The following NR3C1 variants were observed in gnomAD, a reference collection of about 807,000 sequenced individuals.
NR3C1 encodes the protein glucocorticoid receptor.
Under a neutral mutation model 74.0 loss-of-function variants are expected in NR3C1, and 14 were observed. The observed-to-expected ratio is 0.19, with a 90% confidence interval of 0.12 to 0.30. The LOEUF is 0.30. Among genes scored for constraint, NR3C1 ranks in the 10% least tolerant of loss-of-function variants. The probability of loss-of-function intolerance (pLI) is 1.00; values close to 1 mark genes in which losing one functional copy is unlikely to be tolerated. For missense variants in NR3C1, 695 were observed against 909.8 expected (o/e 0.76, Z 3.04); for synonymous variants, 308 against 332.5 (o/e 0.93, Z 0.80).
chr5:143,396,603 C>T (rs1428333886), intron 2 of NR3C1, among the ~76,000 whole-genome samples: 1 of 151,776 alleles, frequency 6.6e-6, no homozygotes, highest in Non-Finnish European at 1.5e-5. Flanking sequence ...AATTTCATTA[C>T]TTTTATAAAA....
At chr5:143,413,018 A>G (rs1841348218) in intron 1 of NR3C1, among the ~76,000 whole-genome samples, 1 of 152,210 alleles carries the variant, frequency 6.6e-6, no homozygotes, top group Non-Finnish European at 1.5e-5. Flanking sequence ...AATTCCTTCA[A>G]CAAAATACAA....
chr5:143,377,221 G>C (rs1363767090), intron 2 of NR3C1, among the ~76,000 whole-genome samples: 1 of 152,168 alleles, frequency 6.6e-6, no homozygotes, highest in Non-Finnish European at 1.5e-5. Flanking sequence ...AGCAGGTTTA[G>C]GAGGGCACTG....
At chr5:143,328,719 C>G (rs1825213387) in intron 2 of NR3C1, among the ~76,000 whole-genome samples, 2 of 152,210 alleles carry the variant, frequency 1.3e-5, no homozygotes, top group South Asian at 4.1e-4. Context: ...CCTAAATCAT[C>G]TCAAAGTTCA....
chr5:143,358,468 GGAGA>G (rs1453496812), intron 2 of NR3C1, among the ~76,000 whole-genome samples: 2 of 152,074 alleles, frequency 1.3e-5, no homozygotes, highest in Non-Finnish European at 2.9e-5. Flanking sequence ...AAATATTTGT[GGAGA>G]GAATTATATT....
In NR3C1 at chr5:143,281,616, C is replaced by T. The variant is rs61753500; in HGVS notation, c.*273G>A. ...CATCCTTCTTTGACTGTGGAGATTA[C>T]GTCCACATATTAAGGTTTCTAATTT... On this transcript the variant is annotated 3_prime_UTR_variant, in exon 9 of 9. Coordinates refer to ENST00000394464, the MANE Select transcript of NR3C1 (RefSeq NM_000176.3). The T allele has an allele frequency of 3.4e-5, 13 of 378,472 alleles. No individual in the cohort carries two copies. The highest frequency in any genetic ancestry group is 1.9e-4 in the African/African-American group (9 of 48,286). 23.4% of individuals were successfully genotyped at this position (378,472 alleles called of 1,614,324 possible).
chr5:143,294,932 G>T (rs1408203659), intron 7 of NR3C1: 1 of 985,178 alleles, frequency 1.0e-6, no homozygotes, highest in African/African-American at 1.7e-5. Flanking sequence ...TCTCACAGAA[G>T]TTCGTTTTAT....
At position 143,300,385 on chromosome 5, in the gene NR3C1, A is replaced by G; in HGVS notation, c.1747+100T>C. 6.9e-7 allele frequency: 1 copy of G among 1,440,706 alleles called. No homozygotes were observed. The highest frequency in any genetic ancestry group is 9.7e-7 in the Non-Finnish European group (1 of 1,028,022). 89.2% of individuals were successfully genotyped at this position (1,440,706 alleles called of 1,614,324 possible). A position where few individuals can be genotyped will look rare whatever the true frequency, so the allele number is the denominator to read the frequency against. ...CATAGTCCCCAGAACTAAGAGAAAC[A>G]AGATAAGCCATGGGCTCACGATGAT... On this transcript the variant is annotated intron_variant, in intron 5 of 8. Transcript: ENST00000394464. This position sits in a 1 kb window ranked among gnomAD's most constrained non-coding sequence, Gnocchi z 5.2.
intron 1 of NR3C1, among the ~76,000 whole-genome samples, chr5:143,409,852 T>G (rs1841235272): frequency 6.6e-6 from 1 of 152,242 alleles, no homozygotes; most frequent in African/African-American, 2.4e-5. Flanking sequence ...TCCTGCTGTT[T>G]TGCTGTCTTT....
At chr5:143,407,434 T>G (rs1046215816), upstream of NR3C1, 1 of 152,258 alleles carries the variant, frequency 6.6e-6, no homozygotes, top group Non-Finnish European at 1.5e-5. Context: ...TATGTTCTTA[T>G]AGTATTCTGC....
intron 4 of NR3C1, among the ~76,000 whole-genome samples, chr5:143,305,678 TA>T (rs1447284384): frequency 1.3e-5 from 2 of 152,060 alleles, no homozygotes; most frequent in Non-Finnish European, 2.9e-5. Flanking sequence ...AAATGGGAGC[TA>T]AACATTGAGT....
At chr5:143,289,623 G>A (rs1487048223) in intron 7 of NR3C1, among the ~76,000 whole-genome samples, 1 of 151,944 alleles carries the variant, frequency 6.6e-6, no homozygotes, top group Non-Finnish European at 1.5e-5. Context: ...AAGAAAACAT[G>A]CAAAACATAT....
intron 1 of NR3C1, among the ~76,000 whole-genome samples, chr5:143,433,391 A>AATATAT (rs34775154): frequency 2.6e-5 from 3 of 117,450 alleles, no homozygotes; most frequent in Non-Finnish European, 5.3e-5. Context: ...AACAGCACTA[A>AATATAT]ATATATATAT....
chr5:143,360,946 C>A (rs1281584768), intron 2 of NR3C1, among the ~76,000 whole-genome samples: 2 of 152,098 alleles, frequency 1.3e-5, no homozygotes, highest in African/African-American at 4.8e-5. Flanking sequence ...GAAACAAGCA[C>A]ACAAAAATCA....
chr5:143,284,272 T>C lies in NR3C1; in HGVS notation c.2024-1547A>G, dbSNP rs183549893. 6.6e-4 allele frequency among the ~76,000 whole-genome samples: 100 copies of C among 152,236 alleles called. 1 individual carries two copies. Among genetic ancestry groups the C allele is most frequent in the African/African-American group, 2.3e-3 (97 of 41,538 alleles). On this transcript the variant is annotated intron_variant, in intron 7 of 8. Coordinates refer to ENST00000394464, the MANE Select transcript of NR3C1 (RefSeq NM_000176.3). The stretch of plus-strand genomic sequence containing the variant: ...GAGTAGTCTTATTTCTTACTTGCCA[T>C]GTGGACTTGAATATAACCTCCTTGA...
At chr5:143,295,437 A>C in intron 7 of NR3C1, 23 bp downstream of exon 7, 1 of 1,610,734 alleles carries the variant, frequency 6.2e-7, no homozygotes, top group Non-Finnish European at 8.5e-7. Context: ...TTTTGACATA[A>C]GGTGAAAAGG....
intron 2 of NR3C1, among the ~76,000 whole-genome samples, chr5:143,351,877 C>CT (rs1220176610): frequency 2.0e-5 from 3 of 152,154 alleles, no homozygotes; most frequent in African/African-American, 7.2e-5. Context: ...TGCACCTATA[C>CT]TACAAGCTAG....
rs1839914220 is a variant in NR3C1 at position 143,399,812 on chromosome 5, T to C, written c.1028A>G (p.Gln343Arg). The change falls in exon 2 of 9, where the codon CAA becomes CGA. Residue 343 changes from glutamine to arginine, a missense_variant. By Grantham distance (43) the Gln-to-Arg change is conservative (BLOSUM62 1). Around this residue, in one of 4 missense-constraint regions of NR3C1, gnomAD observed 497 missense variants for 489.5 expected, o/e 1.02. Transcript: ENST00000394464. ...HYDMNTASLS[Q>R]QQDQKPIFNV... Reference sequence around the variant, plus strand: ...AAAAATAGGCTTCTGATCCTGCTGTTGAGAAAGGGATGCTGTATTCATGTC... The same window carrying C: ...AAAAATAGGCTTCTGATCCTGCTGTCGAGAAAGGGATGCTGTATTCATGTC... The C allele has an allele frequency of 6.2e-7, 1 of 1,614,054 alleles. No homozygotes were observed. The highest frequency in any genetic ancestry group is 1.6e-4 in the Middle Eastern group (1 of 6,084).
chr5:143,411,633 T>A (rs1001119480), intron 1 of NR3C1, among the ~76,000 whole-genome samples: 1 of 152,206 alleles, frequency 6.6e-6, no homozygotes, highest in Non-Finnish European at 1.5e-5. Flanking sequence ...CTGAAATGGT[T>A]CTGTGAAAAT....
intron 2 of NR3C1, among the ~76,000 whole-genome samples, chr5:143,347,073 C>G (rs1270854573): frequency 1.3e-5 from 2 of 152,192 alleles, no homozygotes; most frequent in East Asian, 3.8e-4. Context: ...CTGCCTGTCT[C>G]TCTTTTCTAG....
Sources: gnomAD v4.1 joint callset for allele counts (sites outside exome capture counted in the v4.1 genomes callset) on GRCh38, gnomAD v4.1.1 for gene constraint, gnomAD v4.1.1 regional missense constraint, Gnocchi (gnomAD v3.1) non-coding constraint, MANE v1.5 for transcripts, NCBI Gene and HGNC (gene_info 2026-07-23, HGNC 2026-07-21) for gene names.